Variants in SDCBP observed in about 807,000 individuals in gnomAD.
SDCBP encodes the protein syndecan binding protein, also known as syntenin-1.
SDCBP carries 22 observed loss-of-function variants against 30.5 expected under a neutral mutation model. The ratio of observed to expected loss-of-function variants is 0.72; its 90% confidence interval spans 0.52 to 1.03. SDCBP has a LOEUF of 1.03. Among genes scored for constraint, SDCBP ranks in the 50% least tolerant of loss-of-function variants. The pLI, the probability that SDCBP is intolerant of heterozygous loss-of-function variation, is 0.00. For missense variants in SDCBP, 304 were observed against 369.9 expected, an observed-to-expected ratio of 0.82 and a Z score of 1.46; for synonymous variants, 103 against 118.7, an observed-to-expected ratio of 0.87 and a Z score of 0.86.
intron 5 of SDCBP, among the ~76,000 whole-genome samples, chr8:58,577,061 C>T (rs530609501): frequency 1.1e-4 from 16 of 152,352 alleles, no homozygotes; most frequent in African/African-American, 2.9e-4. Context: ...CTGCTCCTTC[C>T]GCCAGGATTG....
intron 3 of SDCBP, among the ~76,000 whole-genome samples, chr8:58,571,300 A>C (rs990912998): frequency 6.6e-6 from 1 of 152,162 alleles, no homozygotes; most frequent in African/African-American, 2.4e-5. Context: ...AAGAACTATC[A>C]TGCTGCTGCT....
At chr8:58,563,948 T>G (rs138296867) in intron 1 of SDCBP, among the ~76,000 whole-genome samples, 137 of 152,332 alleles carry the variant, frequency 9.0e-4, no homozygotes, top group African/African-American at 3.3e-3. Context: ...GATTCCTTGG[T>G]GGTGGCATTC....
At chr8:58,579,556 C>T (rs1025816303) in intron 6 of SDCBP, 67 bp from the exon 7 acceptor site, 1 of 1,211,928 alleles carries the variant, frequency 8.3e-7, no homozygotes, top group Admixed American at 2.8e-5. Context: ...AACATTTATG[C>T]TATATGAAAT....
intron 2 of SDCBP, chr8:58,570,660 A>G (rs1313055415): frequency 7.0e-6 from 3 of 427,924 alleles, no homozygotes; most frequent in South Asian, 4.5e-5. Context: ...TGGTACTTCT[A>G]CAATTTTTTT....
chr8:58,563,802 A>C (rs1278347306), intron 1 of SDCBP, among the ~76,000 whole-genome samples: 4 of 152,198 alleles, frequency 2.6e-5, no homozygotes, highest in African/African-American at 7.2e-5. Flanking sequence ...GTCTGGTTGA[A>C]GAGGGGACAG....
intron 1 of SDCBP, chr8:58,561,732 G>A: frequency 1.5e-6 from 1 of 681,344 alleles, no homozygotes; most frequent in Non-Finnish European, 2.7e-6. Flanking sequence ...TGTTCAACAT[G>A]AAAGTATAAA....
chr8:58,578,442 C>T (rs778607701), intron 6 of SDCBP: 1 of 336,710 alleles, frequency 3.0e-6, no homozygotes, highest in East Asian at 5.5e-5. Flanking sequence ...AAATAGAAAA[C>T]GTATGTTGGA....
chr8:58,568,990 C>A (rs1230992515), intron 2 of SDCBP, among the ~76,000 whole-genome samples: 1 of 151,990 alleles, frequency 6.6e-6, no homozygotes, highest in African/African-American at 2.4e-5. Flanking sequence ...CCACAGCCTT[C>A]TAAGTAGCTG....
At chr8:58,566,800 A>C (rs1482164488) in intron 2 of SDCBP, among the ~76,000 whole-genome samples, 2 of 152,176 alleles carry the variant, frequency 1.3e-5, no homozygotes, top group Non-Finnish European at 2.9e-5. Flanking sequence ...CTGGCCTTTA[A>C]CACCACAGCA....
intron 4 of SDCBP, among the ~76,000 whole-genome samples, chr8:58,573,018 C>T (rs545574078): frequency 9.9e-5 from 15 of 151,822 alleles, no homozygotes; most frequent in Admixed American, 7.2e-4. Context: ...ATGTTGGCCA[C>T]GCTGGTCTCG....
chr8:58,563,991 G>A (rs778517798), intron 1 of SDCBP, among the ~76,000 whole-genome samples: 5 of 152,208 alleles, frequency 3.3e-5, no homozygotes, highest in African/African-American at 7.2e-5. Context: ...GTGCTGGGGT[G>A]AGCTTCTGCA....
intron 2 of SDCBP, 142 bp from the exon 3 acceptor site, chr8:58,570,745 G>C (rs577895797): frequency 1.7e-6 from 1 of 594,676 alleles, no homozygotes; most frequent in African/African-American, 1.9e-5. Flanking sequence ...ATGTATTGCT[G>C]ATGTGTTTGA....
intron 1 of SDCBP, among the ~76,000 whole-genome samples, chr8:58,556,752 G>A (rs1804126642): frequency 6.6e-6 from 1 of 150,686 alleles, no homozygotes; most frequent in South Asian, 2.1e-4. Flanking sequence ...AGACTTCAAG[G>A]AGGTTACTCT....
intron 7 of SDCBP, among the ~76,000 whole-genome samples, chr8:58,580,282 T>G (rs1805614401): frequency 6.6e-6 from 1 of 152,178 alleles, no homozygotes; most frequent in Non-Finnish European, 1.5e-5. Flanking sequence ...TGGGGAAAAT[T>G]ATCTAATATT....
chr8:58,577,028 T>C (rs1294899344), intron 5 of SDCBP, among the ~76,000 whole-genome samples: 1 of 152,252 alleles, frequency 6.6e-6, no homozygotes, highest in Non-Finnish European at 1.5e-5. Flanking sequence ...TTCTCCAGAA[T>C]CTTCAGGGAA....
At chr8:58,565,106 T>C (rs1455158029) in intron 2 of SDCBP, 22 bp downstream of exon 2, 2 of 1,371,836 alleles carry the variant, frequency 1.5e-6, no homozygotes, top group Non-Finnish European at 2.0e-6. Context: ...TAAATACTTT[T>C]GTCAAAACAA....
intron 1 of SDCBP, among the ~76,000 whole-genome samples, chr8:58,564,306 A>G (rs1019996859): frequency 2.0e-5 from 3 of 152,234 alleles, no homozygotes; most frequent in Non-Finnish European, 4.4e-5. Flanking sequence ...TCAGGTATTC[A>G]TCTCAAAACA....
intron 1 of SDCBP, among the ~76,000 whole-genome samples, chr8:58,559,342 A>C (rs557813008): frequency 2.3e-3 from 344 of 152,334 alleles, no homozygotes; most frequent in Admixed American, 4.2e-3. Context: ...GGTTGTTGAT[A>C]TTGCAACTTG....
In SDCBP at chr8:58,565,067, G is replaced by A. The variant is rs775515488; in HGVS notation, c.34G>A (p.Val12Ile). 13 of 1,580,264 alleles carry A rather than the reference G, an allele frequency of 8.2e-6. 1 individual carries two copies. The highest frequency in any genetic ancestry group is 1.8e-5 in the Admixed American group (1 of 56,948). Residue 12 changes from valine (V) to isoleucine (I), a missense_variant, in exon 2 of 9, where the codon GTA becomes ATA. By Grantham distance (29) the Val-to-Ile change is conservative. Coordinates refer to ENST00000260130, the MANE Select transcript of SDCBP (RefSeq NM_005625.4). Reference protein sequence around the residue: ...SLYPSLEDLKVDKVIQAQTAF... With the variant: ...SLYPSLEDLKIDKVIQAQTAF... Reference sequence around the variant, plus strand: ...CTATCCATCTCTCGAAGACTTGAAGGTAGACAAAGTAATTCAGGTATGATA... The same window carrying A: ...CTATCCATCTCTCGAAGACTTGAAGATAGACAAAGTAATTCAGGTATGATA...
Sources: gnomAD v4.1 joint callset for allele counts (sites outside exome capture counted in the v4.1 genomes callset) on GRCh38, gnomAD v4.1.1 for gene constraint, MANE v1.5 for transcripts, NCBI Gene and HGNC (gene_info 2026-07-23, HGNC 2026-07-21) for gene names.